The following MSRA variants were observed in gnomAD, a reference collection of about 807,000 sequenced individuals.
The protein encoded by MSRA is mitochondrial peptide methionine sulfoxide reductase.
A neutral mutation model predicts 31.3 loss-of-function variants in MSRA; 54 were observed. The ratio of observed to expected loss-of-function variants is 1.73; its 90% CI spans 1.39 to 2.17. The LOEUF (loss-of-function observed/expected upper bound fraction) is 2.17. Among genes scored for constraint, MSRA ranks in the 30% most tolerant of loss-of-function variants. MSRA has a pLI of 0.00. For synonymous variants in MSRA, 169 were observed against 116.5 expected (o/e 1.45, Z -2.90); for missense variants, 507 against 300.9 (o/e 1.69, Z -5.07).
At chr8:10,104,690 C>T (rs1477019922) in intron 1 of MSRA, among the ~76,000 whole-genome samples, 1 of 152,066 alleles carries the variant, frequency 6.6e-6, no homozygotes, top group Non-Finnish European at 1.5e-5. Flanking sequence ...GACTTAAGGT[C>T]TGTGTTGATA....
At chr8:10,192,578 TCA>T (rs1807602553) in intron 1 of MSRA, among the ~76,000 whole-genome samples, 1 of 152,244 alleles carries the variant, frequency 6.6e-6, no homozygotes, top group Non-Finnish European at 1.5e-5. Context: ...AACTCATTCC[TCA>T]GTGATGAGTA....
chr8:10,395,179 A>G (rs1323178993), intron 5 of MSRA, among the ~76,000 whole-genome samples: 1 of 152,174 alleles, frequency 6.6e-6, no homozygotes, highest in African/African-American at 2.4e-5. Context: ...GACTTTGCAG[A>G]GCATGGTCCT....
intron 4 of MSRA, among the ~76,000 whole-genome samples, chr8:10,306,471 C>G (rs1255423033): frequency 6.6e-6 from 1 of 152,076 alleles, no homozygotes; most frequent in Non-Finnish European, 1.5e-5. Flanking sequence ...TACCCTCCAT[C>G]TACTAAAGTG....
intron 4 of MSRA, among the ~76,000 whole-genome samples, chr8:10,309,835 T>C (rs573078763): frequency 6.6e-6 from 1 of 151,854 alleles, no homozygotes; most frequent in South Asian, 2.1e-4. Flanking sequence ...TCCAGGCGAG[T>C]TTTTTCCAGG....
At chr8:10,260,205 C>G (rs1563280708) in intron 3 of MSRA, among the ~76,000 whole-genome samples, 1 of 152,178 alleles carries the variant, frequency 6.6e-6, no homozygotes, top group African/African-American at 2.4e-5. Context: ...CTCTCCTTGC[C>G]ATTTGGTCCA....
intron 1 of MSRA, among the ~76,000 whole-genome samples, chr8:10,061,871 C>T (rs1797209414): frequency 6.6e-6 from 1 of 152,206 alleles, no homozygotes; most frequent in Non-Finnish European, 1.5e-5. Context: ...ATCTTTAAAT[C>T]TCTGAGCAGA....
At chr8:10,364,075 G>T (rs777532622) in intron 5 of MSRA, among the ~76,000 whole-genome samples, 2 of 152,078 alleles carry the variant, frequency 1.3e-5, no homozygotes, top group Non-Finnish European at 2.9e-5. Context: ...ACACTTAAAC[G>T]ATTATTTAAA....
At chr8:10,283,832 T>TACACACACACACACACACAC (rs1338639680) in intron 3 of MSRA, among the ~76,000 whole-genome samples, 32 of 65,308 alleles carry the variant, frequency 4.9e-4, no homozygotes, top group Non-Finnish European at 6.6e-4. Context: ...TATATATATA[T>TACACACACACACACACACAC]ATATACACAC....
At chr8:10,274,934 A>C (rs999334085) in intron 3 of MSRA, among the ~76,000 whole-genome samples, 2 of 152,206 alleles carry the variant, frequency 1.3e-5, no homozygotes, top group Admixed American at 6.5e-5. Flanking sequence ...AGTTGCTTTA[A>C]AACTCAGTAA....
intron 1 of MSRA, among the ~76,000 whole-genome samples, chr8:10,171,384 T>TC (rs398007057): frequency 6.8e-6 from 1 of 147,166 alleles, no homozygotes; most frequent in Non-Finnish European, 1.5e-5. Flanking sequence ...TTTTTTTTTT[T>TC]AACAGAGCTT....
At chr8:10,099,794 C>T (rs372288936) in intron 1 of MSRA, among the ~76,000 whole-genome samples, 10 of 152,132 alleles carry the variant, frequency 6.6e-5, no homozygotes, top group African/African-American at 2.4e-4. Flanking sequence ...CAAGGACTTG[C>T]CTGGTGTGGG....
At chr8:10,334,439 G>C (rs564142955) in intron 5 of MSRA, among the ~76,000 whole-genome samples, 3 of 152,100 alleles carry the variant, frequency 2.0e-5, no homozygotes, top group South Asian at 2.1e-4. Context: ...ACCGGGGGCG[G>C]GGGGGAGGTG....
In MSRA at chr8:10,391,252, C is replaced by T. The variant is rs375856128; in HGVS notation, c.544-36896C>T. Among the ~76,000 whole-genome samples the T allele has an allele frequency of 2.4e-4, 36 of 152,276 alleles. No individual in the cohort carries two copies. In the South Asian group the frequency reaches 7.3e-3, roughly 31 times the overall value. ...ACCTAGTTTGAAAAGAGGTTTATTT[C>T]TCATTGCTACACCTGCTGAAGACCC... On this transcript the variant is annotated intron_variant, in intron 5 of 5. Transcript: ENST00000317173.
At chr8:10,103,941 A>G (rs4294187) in intron 1 of MSRA, among the ~76,000 whole-genome samples, 43,176 of 152,078 alleles carry the variant, frequency 0.28, 6,289 homozygotes, top group South Asian at 0.42. Flanking sequence ...CTGGAATTAC[A>G]GCGTATACAT....
At chr8:10,426,722 G>A (rs564251723) in intron 5 of MSRA, among the ~76,000 whole-genome samples, 1 of 152,294 alleles carries the variant, frequency 6.6e-6, no homozygotes, top group East Asian at 1.9e-4. Flanking sequence ...TTTAAATATG[G>A]GTGATAATAA....
intron 2 of MSRA, among the ~76,000 whole-genome samples, chr8:10,217,029 A>G (rs1426199444): frequency 6.6e-6 from 1 of 152,202 alleles, no homozygotes; most frequent in Non-Finnish European, 1.5e-5. Context: ...AGCGAACCAC[A>G]AGGGTTCCAA....
chr8:10,133,061 C>T (rs1802014451), intron 1 of MSRA, among the ~76,000 whole-genome samples: 1 of 152,194 alleles, frequency 6.6e-6, no homozygotes, highest in Non-Finnish European at 1.5e-5. Context: ...TACAGCCATC[C>T]AACTCTTAGG....
At chr8:10,204,302 G>A (rs953281011) in intron 1 of MSRA, among the ~76,000 whole-genome samples, 6 of 152,182 alleles carry the variant, frequency 3.9e-5, no homozygotes, top group South Asian at 2.1e-4. Flanking sequence ...TATAAAGTCC[G>A]TGGTAGTGTT....
chr8:10,162,369 A>T (rs1346558651), intron 1 of MSRA, among the ~76,000 whole-genome samples: 1 of 152,178 alleles, frequency 6.6e-6, no homozygotes, highest in Non-Finnish European at 1.5e-5. Context: ...GAGTCTGGCC[A>T]TCTGTAGCCC....
Sources: gnomAD v4.1 joint callset for allele counts (sites outside exome capture counted in the v4.1 genomes callset) on GRCh38, gnomAD v4.1.1 for gene constraint, MANE v1.5 for transcripts, NCBI Gene and HGNC (gene_info 2026-07-23, HGNC 2026-07-21) for gene names.